The following EIF3A variants were observed in gnomAD, a reference collection of about 807,000 sequenced individuals.
EIF3A encodes the protein eukaryotic translation initiation factor 3 subunit A, also known as EIF3, p180 subunit.
In EIF3A, 21 loss-of-function variants were observed where a neutral mutation model predicts 186.6. That is an observed-to-expected ratio of 0.11 (90% CI 0.08 to 0.16). The LOEUF is 0.16. EIF3A is among the 10% of genes least tolerant of loss of function. The pLI, the probability that EIF3A is intolerant of heterozygous loss-of-function variation, is 1.00. For missense variants in EIF3A, 1,306 were observed against 1,796.3 expected (o/e 0.73, Z 4.93); for synonymous variants, 563 against 584.3 (o/e 0.96, Z 0.52).
Position 119,042,839 on chromosome 10 carries a change from T to C in EIF3A, c.2748-67A>G, listed in dbSNP as rs1848231163. 2 of 1,473,384 alleles carry C rather than the reference T, an allele frequency of 1.4e-6. No homozygotes were observed. Among genetic ancestry groups the C allele is most frequent in the Non-Finnish European group, 9.0e-7 (1 of 1,113,056 alleles). 91.3% of individuals were successfully genotyped at this position (1,473,384 alleles called of 1,614,324 possible). A position where few individuals can be genotyped will look rare whatever the true frequency, so the allele number is the denominator to read the frequency against. On this transcript the variant is annotated intron_variant, in intron 18 of 21. Coordinates refer to ENST00000369144, the MANE Select transcript of EIF3A (RefSeq NM_003750.4). This position sits in a 1 kb window ranked among gnomAD's most constrained non-coding sequence, Gnocchi z 7.8. ...AAGCATATGATCCTTTGGGGATTTTTTTTTTCACATGCTTTTTAAAAACTT... is the reference window on the plus strand; with the variant it reads ...AAGCATATGATCCTTTGGGGATTTTCTTTTTCACATGCTTTTTAAAAACTT...
intron 9 of EIF3A, 47 bp downstream of exon 9, chr10:119,060,699 G>C (rs1340906956): frequency 9.0e-6 from 13 of 1,444,440 alleles, no homozygotes; most frequent in South Asian, 3.8e-5. Context: ...TTAGTTTCAT[G>C]ATGAGCACAT....
At chr10:119,073,690 C>A in intron 2 of EIF3A, 57 bp downstream of exon 2, 2 of 1,561,686 alleles carry the variant, frequency 1.3e-6, no homozygotes, top group South Asian at 1.2e-5. Flanking sequence ...AAGGTAAGTT[C>A]TTCGGCAGAT....
intron 6 of EIF3A, among the ~76,000 whole-genome samples, chr10:119,067,077 G>T (rs574548768): frequency 3.3e-5 from 5 of 151,984 alleles, no homozygotes; most frequent in African/African-American, 1.2e-4. Flanking sequence ...TTAGCCAGGC[G>T]TGGTGGCGCA....
At chr10:119,059,175 A>C (rs753155510) in intron 11 of EIF3A, 37 bp downstream of exon 11, 40 of 1,582,316 alleles carry the variant, frequency 2.5e-5, no homozygotes, top group Non-Finnish European at 3.5e-5. Context: ...GAGTCCCTCA[A>C]AACTTCTGGG....
intron 20 of EIF3A, 85 bp from the exon 21 acceptor site, chr10:119,037,394 T>TAGG: frequency 8.2e-7 from 1 of 1,218,008 alleles, no homozygotes; most frequent in East Asian, 2.4e-5. Flanking sequence ...AGCTGGGGCT[T>TAGG]AGAGTTTACA....
intron 3 of EIF3A, 113 bp downstream of exon 3, chr10:119,073,326 CAA>C (rs1844108757): frequency 1.2e-6 from 1 of 857,784 alleles, no homozygotes; most frequent in Non-Finnish European, 1.8e-6. Context: ...TTTAAAACTT[CAA>C]AGATTTGCAT....
At chr10:119,038,930 A>T (rs1291181124) in intron 19 of EIF3A, among the ~76,000 whole-genome samples, 2 of 152,172 alleles carry the variant, frequency 1.3e-5, no homozygotes, top group African/African-American at 4.8e-5. Flanking sequence ...CTCAAAAAAC[A>T]AACAGGAAAA....
chr10:119,073,173 T>C, intron 3 of EIF3A, 120 bp from the exon 4 acceptor site: 1 of 911,990 alleles, frequency 1.1e-6, no homozygotes, highest in Non-Finnish European at 1.6e-6. Flanking sequence ...ATGTACACAC[T>C]GCAAAGGTGT....
At chr10:119,072,764 T>C in intron 4 of EIF3A, 126 bp downstream of exon 4, 1 of 1,215,020 alleles carries the variant, frequency 8.2e-7, no homozygotes, top group Non-Finnish European at 1.1e-6. Context: ...CGCAGTCATT[T>C]AATACTCATG....
chr10:119,050,305 G>T (rs1848339107), intron 16 of EIF3A, among the ~76,000 whole-genome samples: 1 of 152,152 alleles, frequency 6.6e-6, no homozygotes, highest in Non-Finnish European at 1.5e-5. Context: ...ATTAAAAAAA[G>T]TATTAATTTC....
chr10:119,046,330 T>G (rs1229131933), intron 17 of EIF3A, among the ~76,000 whole-genome samples: 2 of 152,164 alleles, frequency 1.3e-5, no homozygotes, highest in Admixed American at 1.3e-4. Flanking sequence ...AATGAACCAT[T>G]TATTGTTCAA....
Position 119,070,192 on chromosome 10 carries a change from G to A in EIF3A, c.742-538C>T, listed in dbSNP as rs151153534. Among the ~76,000 whole-genome samples the A allele has an allele frequency of 1.5e-3, 229 of 152,228 alleles. 1 individual carries two copies. The Middle Eastern group carries it at 0.021, about 14-fold the overall frequency. The stretch of plus-strand genomic sequence containing the variant: ...CTATAATTTCAATCAAATATTGTCC[G>A]TCAAATATACAAAAGACTTCAAGGT... On this transcript the variant is annotated intron_variant, in intron 5 of 21. Coordinates refer to ENST00000369144, the MANE Select transcript of EIF3A (RefSeq NM_003750.4).
intron 14 of EIF3A, among the ~76,000 whole-genome samples, chr10:119,054,687 A>G (rs370185260): frequency 2.0e-5 from 3 of 150,550 alleles, no homozygotes; most frequent in African/African-American, 7.3e-5. Flanking sequence ...AGATTGCGCC[A>G]TTGCACTCCA....
At chr10:119,061,078 T>C in intron 8 of EIF3A, 146 bp downstream of exon 8, 1 of 570,066 alleles carries the variant, frequency 1.8e-6, no homozygotes, top group Non-Finnish European at 3.1e-6. Flanking sequence ...ATCTTTTCTC[T>C]TGAAATAAAG....
At chr10:119,039,028 T>C (rs1471674545) in intron 19 of EIF3A, among the ~76,000 whole-genome samples, 4 of 152,320 alleles carry the variant, frequency 2.6e-5, no homozygotes, top group African/African-American at 7.2e-5. Flanking sequence ...ATTTTTCCTA[T>C]TGCACGCAGA....
At chr10:119,046,008 G>C (rs184841460) in intron 17 of EIF3A, among the ~76,000 whole-genome samples, 1 of 152,254 alleles carries the variant, frequency 6.6e-6, no homozygotes, top group Admixed American at 6.5e-5. Flanking sequence ...AACAGAGCAA[G>C]AACAGAGAAA....
At chr10:119,068,668 G>GA (rs1237478330) in intron 6 of EIF3A, among the ~76,000 whole-genome samples, 1 of 142,894 alleles carries the variant, frequency 7.0e-6, no homozygotes, top group Non-Finnish European at 1.5e-5. Context: ...TCTGTCTCAA[G>GA]AAAAAATAAA....
intron 7 of EIF3A, among the ~76,000 whole-genome samples, chr10:119,063,675 A>C (rs1160316588): frequency 3.9e-5 from 6 of 152,214 alleles, no homozygotes; most frequent in African/African-American, 1.4e-4. Context: ...GAATCCCTAG[A>C]ATCTCAGCTC....
intron 7 of EIF3A, among the ~76,000 whole-genome samples, chr10:119,062,447 G>C (rs1030782257): frequency 2.6e-5 from 4 of 152,186 alleles, no homozygotes; most frequent in Non-Finnish European, 4.4e-5. Context: ...CTAACGCTCA[G>C]GTATTGACCT....
Sources: gnomAD v4.1 joint callset for allele counts (sites outside exome capture counted in the v4.1 genomes callset) on GRCh38, gnomAD v4.1.1 for gene constraint, Gnocchi (gnomAD v3.1) non-coding constraint, MANE v1.5 for transcripts, NCBI Gene and HGNC (gene_info 2026-07-23, HGNC 2026-07-21) for gene names.